RIN3: variants seen among roughly 807,000 people sequenced by gnomAD.
RIN3 encodes RAB5 interacting protein 3.
RIN3 carries 54 observed loss-of-function variants against 76.3 expected under a neutral mutation model. That is an observed-to-expected ratio of 0.71 (90% CI 0.57 to 0.89). The LOEUF is 0.89. Among genes scored for constraint, RIN3 ranks in the 40% least tolerant of loss-of-function variants. RIN3 has a pLI of 0.00. For synonymous variants in RIN3, 576 were observed against 564.0 expected, an observed-to-expected ratio of 1.02 and a Z score of -0.30; for missense variants, 1,256 against 1,322.1, an observed-to-expected ratio of 0.95 and a Z score of 0.78.
At chr14:92,660,538 A>G (rs552957243) in intron 7 of RIN3, among the ~76,000 whole-genome samples, 1 of 152,348 alleles carries the variant, frequency 6.6e-6, no homozygotes, top group South Asian at 2.1e-4. Flanking sequence ...CTCATCCTCC[A>G]GCAGGTTAGC....
chr14:92,593,880 A>C (rs1013950654), intron 3 of RIN3, among the ~76,000 whole-genome samples: 54 of 152,212 alleles, frequency 3.5e-4, no homozygotes, highest in Non-Finnish European at 6.8e-4. Flanking sequence ...ATGGAACTAC[A>C]AGGAGAAATA....
intron 4 of RIN3, among the ~76,000 whole-genome samples, chr14:92,617,114 C>T (rs968272477): frequency 3.9e-5 from 6 of 152,110 alleles, no homozygotes; most frequent in African/African-American, 9.7e-5. Context: ...GCCTGGCCAA[C>T]ATGGTGAAAC....
intron 4 of RIN3, among the ~76,000 whole-genome samples, chr14:92,632,722 A>G (rs750678427): frequency 2.0e-5 from 3 of 152,030 alleles, no homozygotes; most frequent in Non-Finnish European, 4.4e-5. Context: ...CTCCCTCCAC[A>G]TATGGGAGAC....
intron 3 of RIN3, among the ~76,000 whole-genome samples, chr14:92,603,144 C>G (rs2140090491): frequency 6.6e-6 from 1 of 152,276 alleles, no homozygotes; most frequent in Admixed American, 6.5e-5. Flanking sequence ...CTGAGAGCTG[C>G]GGACTGGACA....
At chr14:92,626,358 G>T (rs1286578771) in intron 4 of RIN3, among the ~76,000 whole-genome samples, 2 of 152,130 alleles carry the variant, frequency 1.3e-5, no homozygotes, top group Non-Finnish European at 2.9e-5. Context: ...TTCGACCCAG[G>T]TATATAACTG....
chr14:92,637,613 A>C (rs945562773), intron 4 of RIN3, among the ~76,000 whole-genome samples: 3 of 152,220 alleles, frequency 2.0e-5, no homozygotes, highest in African/African-American at 7.2e-5. Flanking sequence ...CTTTGGCTAC[A>C]GTAAATCTGT....
At chr14:92,653,493 C>T (rs1426071162) in intron 6 of RIN3, among the ~76,000 whole-genome samples, 1 of 152,188 alleles carries the variant, frequency 6.6e-6, no homozygotes, top group African/African-American at 2.4e-5. Flanking sequence ...ACTGCGCTCA[C>T]TCTCTGTCTT....
At chr14:92,627,016 A>G (rs1226108755) in intron 4 of RIN3, among the ~76,000 whole-genome samples, 1 of 152,182 alleles carries the variant, frequency 6.6e-6, no homozygotes, top group East Asian at 1.9e-4. Flanking sequence ...CTTGGCCCAA[A>G]TGAAACAACA....
chr14:92,544,220 A>G (rs1273496719), intron 1 of RIN3, among the ~76,000 whole-genome samples: 1 of 152,086 alleles, frequency 6.6e-6, no homozygotes, highest in Non-Finnish European at 1.5e-5. Flanking sequence ...TGAAGCCTGT[A>G]CCTGTTCACC....
At chr14:92,653,147 C>T in intron 6 of RIN3, 72 bp downstream of exon 6, 2 of 1,462,182 alleles carry the variant, frequency 1.4e-6, no homozygotes, top group East Asian at 2.5e-5. Flanking sequence ...CCCCTTAGGA[C>T]AAAAGAGGCC....
intron 7 of RIN3, among the ~76,000 whole-genome samples, chr14:92,667,255 G>A (rs1279332664): frequency 1.3e-5 from 2 of 152,220 alleles, no homozygotes; most frequent in African/African-American, 4.8e-5. Context: ...GCTCACGCCT[G>A]TAATCCCAGC....
intron 7 of RIN3, among the ~76,000 whole-genome samples, chr14:92,666,228 A>G (rs1045954357): frequency 6.6e-6 from 1 of 152,180 alleles, no homozygotes; most frequent in East Asian, 1.9e-4. Flanking sequence ...TTGATGTGGT[A>G]CCTTCATGGC....
chr14:92,622,464 C>A (rs1256547568), intron 4 of RIN3, among the ~76,000 whole-genome samples: 1 of 152,214 alleles, frequency 6.6e-6, no homozygotes, highest in Non-Finnish European at 1.5e-5. Context: ...TTTTCAGTGC[C>A]ACAAAGTGAA....
At chr14:92,520,008 G>T (rs900179919) in intron 1 of RIN3, among the ~76,000 whole-genome samples, 1 of 152,248 alleles carries the variant, frequency 6.6e-6, no homozygotes, top group African/African-American at 2.4e-5. Flanking sequence ...AGGGGTAGGG[G>T]TTGGAGGGAC....
At chr14:92,674,071 T>C (rs1253124810) in intron 7 of RIN3, among the ~76,000 whole-genome samples, 1 of 152,246 alleles carries the variant, frequency 6.6e-6, no homozygotes, top group East Asian at 1.9e-4. Context: ...GTTTTCCTTT[T>C]GCCTCAGGCT....
chr14:92,615,005 G>C (rs1356890023), intron 3 of RIN3, among the ~76,000 whole-genome samples: 1 of 151,694 alleles, frequency 6.6e-6, no homozygotes, highest in Non-Finnish European at 1.5e-5. Flanking sequence ...CACCACACCG[G>C]CTAATTTTTT....
At chr14:92,579,292 G>T (rs1255108819) in intron 3 of RIN3, among the ~76,000 whole-genome samples, 1 of 152,236 alleles carries the variant, frequency 6.6e-6, no homozygotes. Flanking sequence ...TGGTCTCCAG[G>T]CAAGGAGGAG....
At chr14:92,630,981 C>T (rs74072998) in intron 4 of RIN3, among the ~76,000 whole-genome samples, 5,894 of 152,250 alleles carry the variant, frequency 0.039, 395 homozygotes, top group African/African-American at 0.14. Context: ...AAGATCCTGC[C>T]CTACAGACTC....
intron 1 of RIN3, among the ~76,000 whole-genome samples, chr14:92,546,519 G>T (rs773469121): frequency 1.3e-5 from 2 of 152,062 alleles, no homozygotes; most frequent in African/African-American, 4.8e-5. Flanking sequence ...TTATCCATTC[G>T]CCTGTGGCGC....
Sources: allele counts gnomAD v4.1 joint callset (sites outside exome capture counted in the v4.1 genomes callset), GRCh38; gene constraint gnomAD v4.1.1; transcripts MANE v1.5; gene names NCBI Gene and HGNC (gene_info 2026-07-23, HGNC 2026-07-21).